Variants in EPHB2 observed in about 807,000 individuals in gnomAD.
The protein encoded by EPHB2 is ephrin type-B receptor 2.
EPHB2 carries 18 observed loss-of-function variants against 96.4 expected under a neutral mutation model. The observed-to-expected ratio is 0.19, with a 90% CI of 0.13 to 0.28. The LOEUF (loss-of-function observed/expected upper bound fraction) is 0.28, where lower values mean the gene tolerates loss of function less well. EPHB2 is among the 10% of genes least tolerant of loss of function. EPHB2 has a pLI of 1.00. For missense variants in EPHB2, 989 were observed against 1,355.4 expected (o/e 0.73, Z 4.25); for synonymous variants, 506 against 534.1 (o/e 0.95, Z 0.72).
rs1639897420 is a variant in EPHB2 at position 22,905,930 on chromosome 1, C to A, written c.1766-57C>A. The A allele has an allele frequency of 1.9e-6, 3 of 1,613,556 alleles. No individual in the cohort carries two copies. The East Asian group carries it at 6.7e-5, about 36-fold the overall frequency. On this transcript the variant is annotated intron_variant, in intron 9 of 15. Transcript: ENST00000374630. ...CACGGAGGGACTGGCTCCCGCTTTTCCTTTTTGTGTGCATCTTGAGTCAGT... is the reference window on the plus strand; with the variant it reads ...CACGGAGGGACTGGCTCCCGCTTTTACTTTTTGTGTGCATCTTGAGTCAGT...
intron 3 of EPHB2, among the ~76,000 whole-genome samples, chr1:22,801,207 C>G (rs1435899035): frequency 1.3e-5 from 2 of 152,194 alleles, no homozygotes; most frequent in Admixed American, 6.5e-5. Context: ...CCTGCCAAGG[C>G]TGGAGGTTCT....
chr1:22,865,569 G>C (rs1376453784), intron 5 of EPHB2, among the ~76,000 whole-genome samples: 1 of 152,210 alleles, frequency 6.6e-6, no homozygotes, highest in African/African-American at 2.4e-5. Context: ...GAGACTCAGG[G>C]ACCCAGGTTA....
At chr1:22,900,674 G>C (rs987331864) in intron 9 of EPHB2, among the ~76,000 whole-genome samples, 1 of 152,082 alleles carries the variant, frequency 6.6e-6, no homozygotes, top group Non-Finnish European at 1.5e-5. Flanking sequence ...AAACAGGTGG[G>C]GTCTATTTTT....
chr1:22,869,523 G>A (rs1032887948), intron 5 of EPHB2, among the ~76,000 whole-genome samples: 2 of 152,100 alleles, frequency 1.3e-5, no homozygotes, highest in South Asian at 2.1e-4. Context: ...TCCTGGAAGA[G>A]GAGGCATTTG....
Position 22,907,014 on chromosome 1 carries a change from G to C in EPHB2, c.2136+57G>C, listed in dbSNP as rs562183033. 3 of 1,548,854 alleles carry C rather than the reference G, an allele frequency of 1.9e-6. No homozygotes were observed. In the South Asian group the frequency reaches 3.8e-5, roughly 20 times the overall value. On this transcript the variant is annotated intron_variant, in intron 11 of 15. Transcript: ENST00000374630. Reference sequence around the variant, plus strand: ...GAATGGGGCAGGAAAAGGAACGATGGACATAGCTTCATACTGTCAGAGCCT... The same window carrying C: ...GAATGGGGCAGGAAAAGGAACGATGCACATAGCTTCATACTGTCAGAGCCT...
chr1:22,805,044 C>G (rs114820116), intron 3 of EPHB2, among the ~76,000 whole-genome samples: 29,481 of 150,840 alleles, frequency 0.2, 3,005 homozygotes, highest in South Asian at 0.34. Flanking sequence ...CCCCCAACCT[C>G]CCCCTCTAGC....
chr1:22,870,298 A>G lies in EPHB2; in HGVS notation c.1303+5086A>G, dbSNP rs148849092. ...CAGAGCACCTTTCTGCCTCATATTC[A>G]TGAGTCGTGCTCATGGCCCCGAGGA... On this transcript the variant is annotated intron_variant, in intron 5 of 15. Transcript: ENST00000374630. Among the ~76,000 whole-genome samples the G allele has an allele frequency of 7.9e-5, 12 of 152,140 alleles. 1 individual carries two copies. The highest frequency in any genetic ancestry group is 2.7e-4 in the African/African-American group (11 of 41,498).
At chr1:22,852,412 T>C (rs1645636852) in intron 3 of EPHB2, among the ~76,000 whole-genome samples, 1 of 152,198 alleles carries the variant, frequency 6.6e-6, no homozygotes. Context: ...ATGTCCTTCC[T>C]TAATTGCTTC....
At chr1:22,901,305 G>A (rs994293364) in intron 9 of EPHB2, among the ~76,000 whole-genome samples, 1 of 152,044 alleles carries the variant, frequency 6.6e-6, no homozygotes, top group Non-Finnish European at 1.5e-5. Flanking sequence ...TATACCCATC[G>A]GGTAGGTGAA....
intron 1 of EPHB2, among the ~76,000 whole-genome samples, chr1:22,721,683 C>T (rs1643469920): frequency 1.3e-5 from 2 of 152,030 alleles, no homozygotes; most frequent in African/African-American, 2.4e-5. Context: ...GTGACGCAAT[C>T]GCAGCTCACT....
intron 3 of EPHB2, among the ~76,000 whole-genome samples, chr1:22,862,062 C>G (rs768078012): frequency 3.3e-5 from 5 of 152,242 alleles, no homozygotes; most frequent in African/African-American, 9.6e-5. Context: ...CAGGCTGAAG[C>G]TGGGAGAGGG....
chr1:22,740,418 A>T (rs913420700), intron 1 of EPHB2, among the ~76,000 whole-genome samples: 5 of 152,176 alleles, frequency 3.3e-5, no homozygotes, highest in Admixed American at 6.5e-5. Flanking sequence ...GGTACCCAGT[A>T]TGGTCATTGT....
chr1:22,889,369 C>T (rs1639322745), intron 6 of EPHB2, among the ~76,000 whole-genome samples: 2 of 152,230 alleles, frequency 1.3e-5, no homozygotes, highest in South Asian at 4.1e-4. Context: ...AGAATCTAAC[C>T]TGTTTTCAAG....
chr1:22,864,786 G>C (rs1053582811), intron 4 of EPHB2, 91 bp from the exon 5 acceptor site: 3 of 787,564 alleles, frequency 3.8e-6, no homozygotes, highest in Admixed American at 2.7e-5. Flanking sequence ...CCTTTCAGAG[G>C]GGCTGAGCCA....
chr1:22,744,342 A>G (rs1243241343), intron 1 of EPHB2, among the ~76,000 whole-genome samples: 3 of 151,608 alleles, frequency 2.0e-5, no homozygotes, highest in Admixed American at 6.6e-5. Flanking sequence ...ATAACATTTG[A>G]CTCCCCAAAA....
At position 22,913,661 on chromosome 1, in the gene EPHB2, C is replaced by T; in HGVS notation, c.*91C>T. 1 of 1,603,014 alleles carries T rather than the reference C, an allele frequency of 6.2e-7. No individual in the cohort carries two copies. Among genetic ancestry groups the T allele is most frequent in the Non-Finnish European group, 8.5e-7 (1 of 1,174,984 alleles). ...CCTGGTGCTCTATCCACTGCAGGGC[C>T]AGCCACTCGCCAGGAGGCCACGGGC... On this transcript the variant is annotated 3_prime_UTR_variant, in exon 16 of 16. Transcript: ENST00000374630. This position sits in a 1 kb window ranked among gnomAD's most constrained non-coding sequence, Gnocchi z 4.1.
Position 22,864,914 on chromosome 1 carries a change from C to T in EPHB2, c.1005C>T (p.Val335=), listed in dbSNP as rs755272267. 10 of 1,609,028 alleles carry T rather than the reference C, an allele frequency of 6.2e-6. No homozygotes were observed. The East Asian group carries it at 2.0e-4, about 32-fold the overall frequency. The change falls in exon 5 of 16, where the codon GTC becomes GTT. Residue 335 remains valine, a synonymous_variant. Transcript: ENST00000374630. ...CGCCCCAGGCTGTGATTTCCAGTGT[C>T]AATGAGACCTCCCTCATGCTGGAGT... The part of the protein sequence containing the change: ...PSAPQAVISS[V]NETSLMLEWT...
intron 1 of EPHB2, among the ~76,000 whole-genome samples, chr1:22,764,360 G>A (rs1302224265): frequency 1.3e-5 from 2 of 152,176 alleles, no homozygotes; most frequent in South Asian, 2.1e-4. Flanking sequence ...AGCCACCTGC[G>A]AGGCAGGTAC....
chr1:22,712,510 C>CCCT (rs1643180797), intron 1 of EPHB2, among the ~76,000 whole-genome samples: 1 of 152,114 alleles, frequency 6.6e-6, no homozygotes, highest in East Asian at 1.9e-4. Context: ...GGAAAGGCGT[C>CCCT]GTGGGGGACC....
Sources: gnomAD v4.1 joint callset for allele counts (sites outside exome capture counted in the v4.1 genomes callset) on GRCh38, gnomAD v4.1.1 for gene constraint, Gnocchi (gnomAD v3.1) non-coding constraint, MANE v1.5 for transcripts, NCBI Gene and HGNC (gene_info 2026-07-23, HGNC 2026-07-21) for gene names.